The following BRDT variants were observed in gnomAD, a reference collection of about 807,000 sequenced individuals.
The protein encoded by BRDT is bromodomain testis associated.
Under a neutral mutation model 113.9 loss-of-function variants are expected in BRDT, and 77 were observed. The observed-to-expected ratio is 0.68, with a 90% confidence interval of 0.56 to 0.82. The LOEUF is 0.82. Ranked by LOEUF, BRDT falls within the 40% of genes least tolerant of loss-of-function variation. BRDT has a pLI of 0.00. For synonymous variants in BRDT, 358 were observed against 366.5 expected (o/e 0.98, Z 0.26); for missense variants, 1,027 against 1,105.4 (o/e 0.93, Z 1.01).
intron 1 of BRDT, among the ~76,000 whole-genome samples, chr1:91,960,272 A>G (rs866581580): frequency 1.3e-5 from 2 of 152,178 alleles, no homozygotes; most frequent in Non-Finnish European, 2.9e-5. Flanking sequence ...TATTCACAAT[A>G]TAGTCAAGAA....
intron 4 of BRDT, 129 bp from the exon 5 acceptor site, chr1:91,976,137 C>CGGTGGGCGCCGT: frequency 1.1e-6 from 1 of 931,948 alleles, no homozygotes; most frequent in Non-Finnish European, 1.5e-6. Flanking sequence ...GTGTAGATTT[C>CGGTGGGCGCCGT]AAAATGAAAT....
Position 91,994,217 on chromosome 1 carries a change from G to A in BRDT, c.2250G>A (p.Val750=). Residue 750 remains valine, a synonymous_variant, in exon 15 of 19, where the codon GTG becomes GTA. Coordinates refer to ENST00000399546, the MANE Select transcript of BRDT (RefSeq NM_207189.4). ...AAGAATTAGAACATTTACAGACTGT[G>A]AAAAACATTTCACCTTTACAAATTC... ...NYQELEHLQT[V]KNISPLQILP... is the part of the protein sequence containing the mutation. 6.2e-7 allele frequency: 1 copy of A among 1,610,824 alleles called. No homozygotes were observed. Among genetic ancestry groups the A allele is most frequent in the Non-Finnish European group, 8.5e-7 (1 of 1,178,996 alleles).
rs1684123152 is a variant in BRDT at position 91,976,191 on chromosome 1, A to AGTGGTATTTTG, written c.446-75_446-74insGTGGTATTTTG. The AGTGGTATTTTG allele has an allele frequency of 2.9e-6, 4 of 1,387,338 alleles. No individual in the cohort carries two copies. The African/African-American group carries it at 4.4e-5, about 15-fold the overall frequency. 85.9% of individuals were successfully genotyped at this position (1,387,338 alleles called of 1,614,324 possible). A position where few individuals can be genotyped will look rare whatever the true frequency, so the allele number is the denominator to read the frequency against. On this transcript the variant is annotated intron_variant, in intron 4 of 18. Coordinates refer to ENST00000399546, the MANE Select transcript of BRDT (RefSeq NM_207189.4). ...TTGCTAAAAAGCTGAACTAAATGAA[A>AGTGGTATTTTG]TAGAAAATAAGACAGAAAGTGGTAT...
At chr1:91,986,652 T>TA (rs1557844106) in intron 12 of BRDT, among the ~76,000 whole-genome samples, 1 of 152,120 alleles carries the variant, frequency 6.6e-6, no homozygotes, top group African/African-American at 2.4e-5. Flanking sequence ...TTTCTTTTTT[T>TA]AAAAAACTTT....
rs780280447 is a variant in BRDT, at chr1:91,975,281, T to TA, written c.446-977dup. 2.4e-4 allele frequency among the ~76,000 whole-genome samples: 36 copies of TA among 150,424 alleles called. 2 individuals carry two copies. Among genetic ancestry groups the TA allele is most frequent in the African/African-American group, 9.8e-5 (4 of 40,912 alleles). On this transcript the variant is annotated intron_variant, in intron 4 of 18. Transcript: ENST00000399546. ...TGTACCCTAGAACTTAAAAGTATAA[T>TA]AAAAAAAATTTTAAAAAAAAAGTGA...
chr1:91,955,010 A>G (rs893091066), intron 1 of BRDT, among the ~76,000 whole-genome samples: 1 of 152,154 alleles, frequency 6.6e-6, no homozygotes, highest in African/African-American at 2.4e-5. Context: ...TAGACTGCAG[A>G]TTATAGTTGC....
intron 4 of BRDT, among the ~76,000 whole-genome samples, chr1:91,973,221 C>T (rs982168178): frequency 6.6e-6 from 1 of 152,168 alleles, no homozygotes. Context: ...AGTGTGATGC[C>T]TCCAGCTTTG....
In BRDT at chr1:92,004,594, C is replaced by T. The variant is rs751771444; in HGVS notation, c.2569C>T (p.Leu857=). The T allele has an allele frequency of 1.9e-6, 3 of 1,607,184 alleles. No individual in the cohort carries two copies. The Admixed American group carries it at 5.2e-5, about 28-fold the overall frequency. Residue 857 remains leucine, a synonymous_variant, in exon 17 of 19, where the codon CTA becomes TTA. Transcript: ENST00000399546. ...RKHLEQNTKE[L]KASQENQRDL... ...GCATTTGGAACAAAATACAAAGGAACTAAAAGCATCTCAAGAAAATCAGAG... is the reference window on the plus strand; with the variant it reads ...GCATTTGGAACAAAATACAAAGGAATTAAAAGCATCTCAAGAAAATCAGAG...
intron 12 of BRDT, among the ~76,000 whole-genome samples, chr1:91,988,368 G>T (rs1685453548): frequency 6.6e-6 from 1 of 152,096 alleles, no homozygotes; most frequent in Non-Finnish European, 1.5e-5. Context: ...TGTGTAAGTT[G>T]TCATTATTGT....
intron 15 of BRDT, 112 bp downstream of exon 15, chr1:91,994,366 A>C: frequency 1.2e-6 from 1 of 866,582 alleles, no homozygotes; most frequent in Non-Finnish European, 1.7e-6. Flanking sequence ...AATACCAACA[A>C]TCATAACTAG....
chr1:91,994,242 C>T lies in BRDT; in HGVS notation c.2275C>T (p.Leu759=). ...TVKNISPLQI[L]PPSGDSEQLS... ...GAAAAACATTTCACCTTTACAAATT[C>T]TGCCTCCCTCAGGTAAGAAATTAAC... The change falls in exon 15 of 19, where the codon CTG becomes TTG. Residue 759 remains leucine (L), a synonymous_variant. Coordinates refer to ENST00000399546, the MANE Select transcript of BRDT (RefSeq NM_207189.4). 1 of 1,607,254 alleles carries T rather than the reference C, an allele frequency of 6.2e-7. No homozygotes were observed. The highest frequency in any genetic ancestry group is 8.5e-7 in the Non-Finnish European group (1 of 1,176,994).
chr1:91,970,187 A>G (rs1172246582), intron 4 of BRDT, among the ~76,000 whole-genome samples: 5 of 152,184 alleles, frequency 3.3e-5, no homozygotes, highest in Non-Finnish European at 4.4e-5. Flanking sequence ...ACAGTGCATT[A>G]TGGAAAAAAA....
intron 18 of BRDT, among the ~76,000 whole-genome samples, chr1:92,008,207 C>T (rs1232824080): frequency 6.6e-6 from 1 of 152,158 alleles, no homozygotes; most frequent in South Asian, 2.1e-4. Flanking sequence ...CATGAGCCAC[C>T]GTGCCTGGCC....
At chr1:91,967,372 A>G (rs964061908) in intron 3 of BRDT, among the ~76,000 whole-genome samples, 2 of 147,890 alleles carry the variant, frequency 1.4e-5, no homozygotes, top group African/African-American at 5.1e-5. Flanking sequence ...AGTAGCTGGG[A>G]TTACAGGCAT....
chr1:91,974,952 A>G (rs951184630), intron 4 of BRDT, among the ~76,000 whole-genome samples: 2 of 152,346 alleles, frequency 1.3e-5, no homozygotes, highest in African/African-American at 4.8e-5. Flanking sequence ...CTATGAAGCC[A>G]TAAAAAAGGA....
intron 1 of BRDT, among the ~76,000 whole-genome samples, chr1:91,955,590 T>A (rs1681661534): frequency 6.6e-6 from 1 of 152,246 alleles, no homozygotes; most frequent in Admixed American, 6.5e-5. Flanking sequence ...AATTGACAGC[T>A]GTCTAGCATA....
chr1:91,960,139 G>A (rs1275084936), intron 1 of BRDT, among the ~76,000 whole-genome samples: 1 of 152,118 alleles, frequency 6.6e-6, no homozygotes, highest in African/African-American at 2.4e-5. Context: ...AATGGGATGG[G>A]CTTCCTCAAA....
chr1:92,003,705 G>A (rs759549716), intron 16 of BRDT, among the ~76,000 whole-genome samples: 1 of 152,088 alleles, frequency 6.6e-6, no homozygotes, highest in Non-Finnish European at 1.5e-5. Flanking sequence ...ATTTGAAGTT[G>A]AAATGTCCTA....
chr1:91,974,418 A>T (rs560515395), intron 4 of BRDT, among the ~76,000 whole-genome samples: 1 of 152,324 alleles, frequency 6.6e-6, no homozygotes, highest in Non-Finnish European at 1.5e-5. Flanking sequence ...GAATCTACAA[A>T]GAACTCAAAC....
Sources: gnomAD v4.1 joint callset for allele counts (sites outside exome capture counted in the v4.1 genomes callset) on GRCh38, gnomAD v4.1.1 for gene constraint, MANE v1.5 for transcripts, NCBI Gene and HGNC (gene_info 2026-07-23, HGNC 2026-07-21) for gene names.